Variants in ZDHHC11B observed in about 807,000 individuals in gnomAD.
ZDHHC11B encodes zDHHC palmitoyltransferase 11B (putative), also known as probable palmitoyltransferase ZDHHC11B.
A neutral mutation model predicts 42.3 loss-of-function variants in ZDHHC11B; 17 were observed. The ratio of observed to expected loss-of-function variants is 0.40; its 90% confidence interval spans 0.27 to 0.60. ZDHHC11B has a LOEUF of 0.60. Among genes scored for constraint, ZDHHC11B ranks in the 20% least tolerant of loss-of-function variants. ZDHHC11B has a pLI of 0.41. For missense variants in ZDHHC11B, 262 were observed against 463.2 expected (o/e 0.57, Z 3.99); for synonymous variants, 123 against 193.5 (o/e 0.64, Z 3.02).
At chr5:764,335 T>C (rs1734996681) in intron 4 of ZDHHC11B, among the ~76,000 whole-genome samples, 3 of 151,310 alleles carry the variant, frequency 2.0e-5, no homozygotes, top group African/African-American at 4.8e-5. Flanking sequence ...AGTCCCTCTC[T>C]GGGCTGGCCG....
At chr5:713,884 G>C in intron 13 of ZDHHC11B, among the ~76,000 whole-genome samples, 1 of 142,666 alleles carries the variant, frequency 7.0e-6, no homozygotes, top group Non-Finnish European at 1.6e-5. Flanking sequence ...TTGCCATTTT[G>C]GCTGTGCTCT....
intron 4 of ZDHHC11B, among the ~76,000 whole-genome samples, chr5:757,692 C>T (rs1386372209): frequency 1.3e-5 from 2 of 151,978 alleles, no homozygotes; most frequent in African/African-American, 4.8e-5. Flanking sequence ...ACTCACGTGG[C>T]CCCGGGCCCT....
chr5:742,836 T>A (rs1452126057), intron 9 of ZDHHC11B, among the ~76,000 whole-genome samples: 1 of 149,042 alleles, frequency 6.7e-6, no homozygotes, highest in Non-Finnish European at 1.5e-5. Context: ...TCAATTTTGG[T>A]AAAGTCCAAA....
Position 748,456 on chromosome 5 carries a change from G to T in ZDHHC11B, c.732C>A (p.Asp244Glu), listed in dbSNP as rs746643869. ...GGCCCAGCTGCACCAAGCCAAGAAGGTCCAGCAGGAGCACGAGCATCCTGA... is the reference window on the plus strand; with the variant it reads ...GGCCCAGCTGCACCAAGCCAAGAAGTTCCAGCAGGAGCACGAGCATCCTGA... ...VIIRMLVLLL[D>E]LLGLVQLGQL... Residue 244 changes from aspartate (D) to glutamate (E), a missense_variant, in exon 8 of 14, where the codon GAC (aspartate) becomes GAA (glutamate). This residue lies in a region of ZDHHC11B where 57 missense variants were observed against 103.3 expected (regional missense o/e 0.55). Coordinates refer to ENST00000508859, the MANE Select transcript of ZDHHC11B (RefSeq NM_001351303.2). 1.5e-6 allele frequency: 2 copies of T among 1,362,480 alleles called. 1 individual carries two copies. The highest frequency in any genetic ancestry group is 2.0e-6 in the Non-Finnish European group (2 of 1,024,060). 84.4% of individuals were successfully genotyped at this position (1,362,480 alleles called of 1,614,324 possible). A position where few individuals can be genotyped will look rare whatever the true frequency, so the allele number is the denominator to read the frequency against.
Position 766,692 on chromosome 5 carries a change from G to T in ZDHHC11B, c.222+6C>A, listed in dbSNP as rs560981053. Reference sequence around the variant, plus strand: ...CGCTTAGACCATGCCACGATGAAAAGGATACCACATAGGCGATGTATTTCC... The same window carrying T: ...CGCTTAGACCATGCCACGATGAAAATGATACCACATAGGCGATGTATTTCC... On this transcript the variant is annotated splice_donor_region_variant and intron_variant, in intron 4 of 13. Coordinates refer to ENST00000508859, the MANE Select transcript of ZDHHC11B (RefSeq NM_001351303.2). The T allele has an allele frequency of 6.2e-7, 1 of 1,604,098 alleles. No individual in the cohort carries two copies. Among genetic ancestry groups the T allele is most frequent in the South Asian group, 1.1e-5 (1 of 89,916 alleles).
At chr5:720,471 TA>T (rs1162424596) in intron 12 of ZDHHC11B, among the ~76,000 whole-genome samples, 1 of 151,774 alleles carries the variant, frequency 6.6e-6, no homozygotes. Flanking sequence ...CATTCTCAGA[TA>T]GACAAAAATT....
At chr5:775,332 TCTC>T (rs1379952026) in intron 1 of ZDHHC11B, among the ~76,000 whole-genome samples, 4 of 151,824 alleles carry the variant, frequency 2.6e-5, no homozygotes, top group Non-Finnish European at 4.4e-5. Context: ...TGCGCCTCAG[TCTC>T]CTCATCCTTG....
chr5:777,947 C>T (rs1561206127), intron 1 of ZDHHC11B, among the ~76,000 whole-genome samples: 2 of 151,810 alleles, frequency 1.3e-5, no homozygotes, highest in African/African-American at 2.4e-5. Flanking sequence ...TGGCGGTCGG[C>T]GGGTCCCGAG....
intron 4 of ZDHHC11B, among the ~76,000 whole-genome samples, chr5:759,708 C>T (rs57655734): frequency 0.3 from 43,953 of 145,136 alleles, 4,028 homozygotes; most frequent in Middle Eastern, 0.36. Context: ...GGCACTCAAA[C>T]GTCCGCCTAA....
intron 6 of ZDHHC11B, among the ~76,000 whole-genome samples, chr5:754,416 C>G (rs1262975199): frequency 7.7e-6 from 1 of 130,544 alleles, no homozygotes; most frequent in Non-Finnish European, 1.7e-5. Context: ...GGAGAAACAC[C>G]TCTCGCCTGT....
intron 12 of ZDHHC11B, among the ~76,000 whole-genome samples, chr5:717,094 T>C (rs988201038): frequency 1.3e-5 from 2 of 151,460 alleles, no homozygotes; most frequent in African/African-American, 2.4e-5. Flanking sequence ...TGTGCTGATA[T>C]AGAGACAAAG....
At chr5:742,236 G>A in intron 9 of ZDHHC11B, among the ~76,000 whole-genome samples, 1 of 139,792 alleles carries the variant, frequency 7.2e-6, no homozygotes, top group Non-Finnish European at 1.5e-5. Context: ...CTCTTGCTTG[G>A]CCTCCCAAAG....
chr5:720,498 C>T (rs1384490821), intron 12 of ZDHHC11B, among the ~76,000 whole-genome samples: 4 of 151,764 alleles, frequency 2.6e-5, no homozygotes, highest in Non-Finnish European at 5.9e-5. Flanking sequence ...AATTCTTTAT[C>T]AGTAGAACTA....
At chr5:716,625 C>A (rs1242875354) in intron 13 of ZDHHC11B, among the ~76,000 whole-genome samples, 176 bp downstream of exon 13, 1 of 151,790 alleles carries the variant, frequency 6.6e-6, no homozygotes, top group Non-Finnish European at 1.5e-5. Context: ...CCATGCACTA[C>A]TTCTAAAGAT....
chr5:733,882 TG>T (rs751268841), intron 10 of ZDHHC11B, 43 bp from the exon 11 acceptor site: 15 of 1,549,886 alleles, frequency 9.7e-6, no homozygotes, highest in Non-Finnish European at 1.2e-5. Flanking sequence ...CTCAGCTTTG[TG>T]GGGGGGCTCA....
intron 1 of ZDHHC11B, among the ~76,000 whole-genome samples, chr5:771,068 G>A (rs531303956): frequency 9.5e-4 from 145 of 151,986 alleles, no homozygotes; most frequent in African/African-American, 2.2e-3. Context: ...CAGGTGGGCC[G>A]TCAGCACTGC....
intron 12 of ZDHHC11B, among the ~76,000 whole-genome samples, chr5:720,511 C>T (rs1241268013): frequency 6.6e-6 from 1 of 151,612 alleles, no homozygotes; most frequent in African/African-American, 2.4e-5. Context: ...TAGAACTACC[C>T]TAAAAGAAAT....
In ZDHHC11B at chr5:710,703, G is replaced by C. The variant is rs1741294846; in HGVS notation, c.*1587C>G. ...CACTATGCTCCCATTTCCCAGGACT[G>C]TGAGCTTCCATTTCCCAGTACTGTG... On this transcript the variant is annotated 3_prime_UTR_variant, in exon 14 of 14. Coordinates refer to ENST00000508859, the MANE Select transcript of ZDHHC11B (RefSeq NM_001351303.2). 1 of 150,116 alleles carries C rather than the reference G, an allele frequency of 6.7e-6. No individual in the cohort carries two copies. Among genetic ancestry groups the C allele is most frequent in the Non-Finnish European group, 1.5e-5 (1 of 68,022 alleles). 9.3% of individuals were successfully genotyped at this position (150,116 alleles called of 1,614,324 possible).
chr5:757,479 G>T (rs1734026429), intron 4 of ZDHHC11B, among the ~76,000 whole-genome samples: 1 of 151,930 alleles, frequency 6.6e-6, no homozygotes, highest in Admixed American at 6.6e-5. Context: ...ACTGCTGCTG[G>T]GCTCACCCTC....
Sources: gnomAD v4.1 joint callset for allele counts (sites outside exome capture counted in the v4.1 genomes callset) on GRCh38, gnomAD v4.1.1 for gene constraint, gnomAD v4.1.1 regional missense constraint, MANE v1.5 for transcripts, NCBI Gene and HGNC (gene_info 2026-07-23, HGNC 2026-07-21) for gene names.